SOX5: variants seen among roughly 807,000 people sequenced by gnomAD.
SOX5 encodes the protein transcription factor SOX-5.
In SOX5, 9 loss-of-function variants were observed where a neutral mutation model predicts 92.0. That is an observed-to-expected ratio of 0.10 (90% confidence interval 0.06 to 0.17). SOX5 has a LOEUF of 0.17. SOX5 is among the 10% of genes least tolerant of loss of function. The pLI, the probability that SOX5 is intolerant of heterozygous loss-of-function variation, is 1.00. For synonymous variants in SOX5, 344 were observed against 336.3 expected, an observed-to-expected ratio of 1.02 and a Z score of -0.25; for missense variants, 642 against 944.5, an observed-to-expected ratio of 0.68 and a Z score of 4.20.
intron 1 of SOX5, among the ~76,000 whole-genome samples, chr12:24,470,420 A>T (rs1944681851): frequency 6.6e-6 from 1 of 152,210 alleles, no homozygotes. Context: ...AGAATGTTCA[A>T]CGGTGAGGAC....
chr12:24,061,907 T>C (rs892875508), intron 4 of SOX5, among the ~76,000 whole-genome samples: 3 of 152,184 alleles, frequency 2.0e-5, no homozygotes, highest in African/African-American at 7.2e-5. Context: ...TGAAGTATTC[T>C]CTTGCTCTGT....
At chr12:24,402,026 C>G (rs995838938) in intron 1 of SOX5, among the ~76,000 whole-genome samples, 5 of 152,080 alleles carry the variant, frequency 3.3e-5, no homozygotes, top group African/African-American at 1.2e-4. Flanking sequence ...CATTAACTAC[C>G]CCCTGAAAAT....
chr12:24,285,882 T>A (rs1945809755), intron 2 of SOX5, among the ~76,000 whole-genome samples: 1 of 152,148 alleles, frequency 6.6e-6, no homozygotes, highest in Non-Finnish European at 1.5e-5. Flanking sequence ...CGGAAAAAGA[T>A]AAAAATAATA....
At chr12:23,585,864 G>T (rs753877745) in intron 9 of SOX5, among the ~76,000 whole-genome samples, 1 of 152,082 alleles carries the variant, frequency 6.6e-6, no homozygotes, top group Non-Finnish European at 1.5e-5. Flanking sequence ...TGTCGCCCCC[G>T]TGTGTGGGTG....
At chr12:24,117,888 C>T (rs185223474) in intron 4 of SOX5, among the ~76,000 whole-genome samples, 4 of 151,664 alleles carry the variant, frequency 2.6e-5, no homozygotes, top group African/African-American at 7.3e-5. Flanking sequence ...GGCGTGATGG[C>T]GGGCACCTGT....
intron 4 of SOX5, among the ~76,000 whole-genome samples, chr12:24,125,045 A>C (rs139912604): frequency 6.6e-6 from 1 of 152,216 alleles, no homozygotes; most frequent in African/African-American, 2.4e-5. Context: ...TAAAAGAGAG[A>C]ATTATGAATT....
intron 4 of SOX5, among the ~76,000 whole-genome samples, chr12:23,978,558 G>A (rs556119573): frequency 4.6e-5 from 7 of 152,158 alleles, no homozygotes; most frequent in East Asian, 1.9e-4. Context: ...GCAGTCCTTC[G>A]TCACAATACA....
At chr12:24,306,191 G>A (rs976972581) in intron 2 of SOX5, among the ~76,000 whole-genome samples, 1 of 152,198 alleles carries the variant, frequency 6.6e-6, no homozygotes, top group African/African-American at 2.4e-5. Context: ...GGGAAAGTGG[G>A]CGTTTGCTGT....
intron 1 of SOX5, among the ~76,000 whole-genome samples, chr12:24,535,202 G>A (rs1951531444): frequency 6.6e-6 from 1 of 152,182 alleles, no homozygotes; most frequent in Non-Finnish European, 1.5e-5. Context: ...TTTAGCCTAT[G>A]TGCTGTGAAT....
intron 1 of SOX5, among the ~76,000 whole-genome samples, chr12:24,461,286 C>T (rs928437525): frequency 6.6e-6 from 1 of 151,904 alleles, no homozygotes; most frequent in Non-Finnish European, 1.5e-5. Context: ...GTGGCCACTA[C>T]GATTCTAGTT....
intron 1 of SOX5, among the ~76,000 whole-genome samples, chr12:24,419,108 T>C (rs1267490727): frequency 6.6e-6 from 1 of 152,104 alleles, no homozygotes; most frequent in Non-Finnish European, 1.5e-5. Context: ...TCCTCCTACA[T>C]AGCACCTAGG....
chr12:24,106,713 G>T (rs1013734203), intron 4 of SOX5, among the ~76,000 whole-genome samples: 2 of 151,108 alleles, frequency 1.3e-5, no homozygotes, highest in African/African-American at 4.9e-5. Context: ...AATTGCTTGA[G>T]CCCAGGAGGC....
chr12:24,460,514 T>C (rs1305282697), intron 1 of SOX5: 2 of 152,186 alleles, frequency 1.3e-5, no homozygotes, highest in Non-Finnish European at 2.9e-5. Context: ...TTGAAGTAAG[T>C]GAGCAACTTA....
At chr12:23,645,744 TTAAC>T (rs1314814794) in intron 7 of SOX5, among the ~76,000 whole-genome samples, 5 of 151,942 alleles carry the variant, frequency 3.3e-5, no homozygotes, top group East Asian at 3.9e-4. Context: ...ATTAATGAAA[TTAAC>T]TATCTTTCCT....
intron 4 of SOX5, among the ~76,000 whole-genome samples, chr12:24,194,309 C>G (rs891793661): frequency 2.0e-5 from 3 of 152,018 alleles, no homozygotes; most frequent in Non-Finnish European, 4.4e-5. Flanking sequence ...ATTTAGAGAA[C>G]CTATTATCTG....
At chr12:24,354,084 A>G (rs1011103007) in intron 2 of SOX5, among the ~76,000 whole-genome samples, 1 of 152,254 alleles carries the variant, frequency 6.6e-6, no homozygotes, top group African/African-American at 2.4e-5. Context: ...AAAACTAGCC[A>G]TTCTATTGAT....
intron 11 of SOX5, among the ~76,000 whole-genome samples, chr12:23,554,891 T>C (rs1439389742): frequency 6.6e-6 from 1 of 152,168 alleles, no homozygotes; most frequent in East Asian, 1.9e-4. Context: ...TCTCCTTTAT[T>C]ATTTCAGTGT....
chr12:24,520,522 T>C (rs1411826832), intron 1 of SOX5, among the ~76,000 whole-genome samples: 1 of 146,954 alleles, frequency 6.8e-6, no homozygotes, highest in Non-Finnish European at 1.5e-5. Context: ...ACAAAGCAAA[T>C]ATACACTACA....
At chr12:24,533,933 T>C (rs1328532262) in intron 1 of SOX5, among the ~76,000 whole-genome samples, 4 of 152,202 alleles carry the variant, frequency 2.6e-5, no homozygotes, top group African/African-American at 4.8e-5. Context: ...GAATAATGCA[T>C]AAAACTTGGC....
Sources: allele counts gnomAD v4.1 joint callset (sites outside exome capture counted in the v4.1 genomes callset), GRCh38; gene constraint gnomAD v4.1.1; transcripts MANE v1.5; gene names NCBI Gene and HGNC (gene_info 2026-07-23, HGNC 2026-07-21).